The following CD82 variants were observed in gnomAD, a reference collection of about 807,000 sequenced individuals.
The protein encoded by CD82 is CD82 antigen.
In CD82, 36 loss-of-function variants were observed where a neutral mutation model predicts 37.4. The ratio of observed to expected loss-of-function variants is 0.96; its 90% CI spans 0.74 to 1.27. The LOEUF (loss-of-function observed/expected upper bound fraction) is 1.27. Among genes scored for constraint, CD82 ranks in the 50% most tolerant of loss-of-function variants. The pLI, the probability that CD82 is intolerant of heterozygous loss-of-function variation, is 0.00. For synonymous variants in CD82, 158 were observed against 137.4 expected, an observed-to-expected ratio of 1.15 and a Z score of -1.05; for missense variants, 340 against 347.0, an observed-to-expected ratio of 0.98 and a Z score of 0.16.
At chr11:44,594,980 C>A in intron 3 of CD82, 1 of 530,984 alleles carries the variant, frequency 1.9e-6, no homozygotes, top group Non-Finnish European at 3.4e-6. Flanking sequence ...AAAGCCTGGG[C>A]TGGCGGTGGG....
Position 44,619,175 on chromosome 11 carries a change from CCAGGGGTCT to C in CD82, c.*51_*59del, listed in dbSNP as rs1853619326. ...TGCCTGGCCCCCAACCTCAGGGCTC[CCAGGGGTCT>C]CCCTGGCTCCCTCCTCCAGGCCTGC... is the stretch of plus-strand genomic sequence containing the variant. On this transcript the variant is annotated 3_prime_UTR_variant, in exon 10 of 10. Coordinates refer to ENST00000227155, the MANE Select transcript of CD82 (RefSeq NM_002231.4). 18 of 1,463,514 alleles carry C rather than the reference CCAGGGGTCT, an allele frequency of 1.2e-5. No homozygotes were observed. Among genetic ancestry groups the C allele is most frequent in the Non-Finnish European group, 1.6e-5 (17 of 1,042,604 alleles). 90.7% of individuals were successfully genotyped at this position (1,463,514 alleles called of 1,614,324 possible).
intron 2 of CD82, among the ~76,000 whole-genome samples, chr11:44,592,722 C>G (rs1403663278): frequency 6.6e-6 from 1 of 152,186 alleles, no homozygotes; most frequent in Non-Finnish European, 1.5e-5. Context: ...GTCATGTTTT[C>G]TCCTCTCTAG....
intron 1 of CD82, among the ~76,000 whole-genome samples, chr11:44,575,000 A>G (rs1267194300): frequency 6.6e-6 from 1 of 152,188 alleles, no homozygotes; most frequent in Admixed American, 6.5e-5. Context: ...AGCTCCATGG[A>G]ATGAATTTCT....
Position 44,594,013 on chromosome 11 carries a change from A to G in CD82, c.-20-630A>G, listed in dbSNP as rs528837733. On this transcript the variant is annotated intron_variant, in intron 2 of 9. Coordinates refer to ENST00000227155, the MANE Select transcript of CD82 (RefSeq NM_002231.4). ...TTGTTATACACACACACACACACAC[A>G]CACGAATAATAGCTACTAAAACGAT... 5.8e-3 allele frequency among the ~76,000 whole-genome samples: 784 copies of G among 135,306 alleles called. 4 individuals carry two copies. Among genetic ancestry groups the G allele is most frequent in the Non-Finnish European group, 9.7e-3 (601 of 61,738 alleles). 88.8% of individuals were successfully genotyped at this position (135,306 alleles called of 152,430 possible).
rs1852931145 is a variant in CD82, at chr11:44,578,398, C to A, written c.-102-9077C>A. 2.0e-5 allele frequency among the ~76,000 whole-genome samples: 3 copies of A among 152,248 alleles called. No homozygotes were observed. The South Asian group carries it at 6.2e-4, about 32-fold the overall frequency. On this transcript the variant is annotated intron_variant, in intron 1 of 9. Transcript: ENST00000227155. ...CGATGGTGTTGCCACATGTCCCATG[C>A]CTGGCCCCTGGGGACAGACCCCTTC...
In CD82 at chr11:44,619,774, A is replaced by C. The variant is rs866893455; in HGVS notation, c.*648A>C. 4.2e-3 allele frequency: 643 copies of C among 151,592 alleles called. 6 individuals are homozygous for C. Among genetic ancestry groups the C allele is most frequent in the African/African-American group, 0.015 (609 of 41,218 alleles). The allele number at this position is 151,592 out of a possible 1,614,324, so 9.4% of individuals were successfully genotyped here. A position where few individuals can be genotyped will look rare whatever the true frequency, so the allele number is the denominator to read the frequency against. ...AAGAGACTCCGTCTCAAAAAAAAAA[A>C]AAAAAAAAAAAAAAATTGGGGAGGG... On this transcript the variant is annotated 3_prime_UTR_variant, in exon 10 of 10. Transcript: ENST00000227155.
At position 44,568,221 on chromosome 11, in the gene CD82, A is replaced by T. The variant is rs527481541; in HGVS notation, c.-103+2485A>T. The stretch of plus-strand genomic sequence containing the variant: ...TGAACCAATGGCTGCAGTGACTGGG[A>T]AGAAGGGGTCTGGGTGGCTTTGGGG... On this transcript the variant is annotated intron_variant, in intron 1 of 9. Coordinates refer to ENST00000227155, the MANE Select transcript of CD82 (RefSeq NM_002231.4). Among the ~76,000 whole-genome samples the T allele has an allele frequency of 2.6e-5, 4 of 152,216 alleles. No homozygotes were observed. The South Asian group carries it at 8.3e-4, about 32-fold the overall frequency.
chr11:44,582,336 A>C (rs913971724), intron 1 of CD82, among the ~76,000 whole-genome samples: 2 of 152,220 alleles, frequency 1.3e-5, no homozygotes, highest in African/African-American at 4.8e-5. Flanking sequence ...GGCAGTCTGC[A>C]GGAACCCTGT....
At chr11:44,585,306 A>T in intron 1 of CD82, 1 of 456,324 alleles carries the variant, frequency 2.2e-6, no homozygotes, top group Admixed American at 2.3e-5. Flanking sequence ...GGTAACATTT[A>T]TCTGACATTT....
intron 1 of CD82, among the ~76,000 whole-genome samples, chr11:44,579,678 C>CA: frequency 6.6e-6 from 1 of 152,134 alleles, no homozygotes; most frequent in Non-Finnish European, 1.5e-5. Flanking sequence ...GTGTTCCTGC[C>CA]AGAGCTGCCA....
At chr11:44,587,333 G>T in intron 1 of CD82, 142 bp from the exon 2 acceptor site, 1 of 423,232 alleles carries the variant, frequency 2.4e-6, no homozygotes, top group Non-Finnish European at 4.8e-6. Flanking sequence ...GCCTGTGGGG[G>T]GAAGAGGACA....
chr11:44,575,459 C>T (rs1309997305), intron 1 of CD82, among the ~76,000 whole-genome samples: 2 of 152,174 alleles, frequency 1.3e-5, no homozygotes, highest in Non-Finnish European at 2.9e-5. Flanking sequence ...CAAACTCTGA[C>T]ATGCATCAGT....
rs386373732 is a variant in CD82 at position 44,606,467 on chromosome 11, CA to C, written c.336+1058del. ...GGGGCAACAGAGTGAGACCCTGTCTCAAAAAAAAAAAAAAAAAAAAGTCCTC... is the reference window on the plus strand; with the variant it reads ...GGGGCAACAGAGTGAGACCCTGTCTCAAAAAAAAAAAAAAAAAAAGTCCTC... On this transcript the variant is annotated intron_variant, in intron 6 of 9. Coordinates refer to ENST00000227155, the MANE Select transcript of CD82 (RefSeq NM_002231.4). 163 of 104,934 alleles carry C rather than the reference CA, an allele frequency of 1.6e-3. 1 individual carries two copies. Among genetic ancestry groups the C allele is most frequent in the South Asian group, 3.1e-3 (9 of 2,936 alleles). The allele number at this position is 104,934 out of a possible 1,614,324, so 6.5% of individuals were successfully genotyped here. A position where few individuals can be genotyped will look rare whatever the true frequency, so the allele number is the denominator to read the frequency against.
intron 3 of CD82, among the ~76,000 whole-genome samples, chr11:44,599,190 A>C (rs1853272203): frequency 6.6e-6 from 1 of 152,056 alleles, no homozygotes; most frequent in African/African-American, 2.4e-5. Context: ...TTGCCCTGTC[A>C]CCCAGGTCAT....
chr11:44,570,765 A>T (rs2134613852), intron 1 of CD82, among the ~76,000 whole-genome samples: 1 of 152,334 alleles, frequency 6.6e-6, no homozygotes, highest in Middle Eastern at 3.4e-3. Flanking sequence ...CTTCAGTCCT[A>T]ACCCAGGAAG....
chr11:44,595,911 A>AAAAAAAAAAAAAC, intron 3 of CD82, among the ~76,000 whole-genome samples: 1 of 115,228 alleles, frequency 8.7e-6, no homozygotes, highest in African/African-American at 2.7e-5. Flanking sequence ...TTCTCTACAA[A>AAAAAAAAAAAAAC]AAAAAAAAAA....
At chr11:44,617,488 G>A (rs1408576181) in intron 7 of CD82, among the ~76,000 whole-genome samples, 2 of 150,376 alleles carry the variant, frequency 1.3e-5, no homozygotes, top group African/African-American at 4.9e-5. Context: ...GAACCCTGGA[G>A]GTGGAGGTTG....
rs200136280 is a variant in CD82, at chr11:44,597,362, G to T, written c.63+2637G>T. 1.5e-4 allele frequency among the ~76,000 whole-genome samples: 8 copies of T among 54,390 alleles called. No individual in the cohort carries two copies. The highest frequency in any genetic ancestry group is 2.7e-4 in the Non-Finnish European group (7 of 25,658). The allele number at this position is 54,390 out of a possible 152,430, so 35.7% of individuals were successfully genotyped here. ...CCCATCTGGGGATTGGGGAAGGGCT[G>T]GGGGAGTGATTAACATGGGGCCTGC... On this transcript the variant is annotated intron_variant, in intron 3 of 9. Coordinates refer to ENST00000227155, the MANE Select transcript of CD82 (RefSeq NM_002231.4). The surrounding 1 kb of genome is among the most constrained non-coding windows in gnomAD (Gnocchi z 4.1).
intron 1 of CD82, among the ~76,000 whole-genome samples, chr11:44,586,371 C>T (rs1853054833): frequency 1.3e-5 from 2 of 152,182 alleles, no homozygotes; most frequent in South Asian, 2.1e-4. Context: ...GCCTGCCCGT[C>T]TGTGTGCATC....
Sources: allele counts gnomAD v4.1 joint callset (sites outside exome capture counted in the v4.1 genomes callset), GRCh38; gene constraint gnomAD v4.1.1; non-coding constraint Gnocchi (gnomAD v3.1); transcripts MANE v1.5; gene names NCBI Gene and HGNC (gene_info 2026-07-23, HGNC 2026-07-21).